TAFA1: variants seen among roughly 807,000 people sequenced by gnomAD.
TAFA1 encodes chemokine-like protein TAFA-1.
TAFA1 carries 4 observed loss-of-function variants against 18.5 expected under a neutral mutation model. That is an observed-to-expected ratio of 0.22 (90% CI 0.11 to 0.49). TAFA1 has a LOEUF of 0.49. TAFA1 is among the 20% of genes least tolerant of loss of function. The pLI, the probability that TAFA1 is intolerant of heterozygous loss-of-function variation, is 0.98. For synonymous variants in TAFA1, 56 were observed against 55.2 expected, an observed-to-expected ratio of 1.01 and a Z score of -0.06; for missense variants, 147 against 169.0, an observed-to-expected ratio of 0.87 and a Z score of 0.72.
chr3:68,135,803 C>T (rs1199890216), intron 2 of TAFA1, among the ~76,000 whole-genome samples: 3 of 152,116 alleles, frequency 2.0e-5, no homozygotes, highest in Non-Finnish European at 4.4e-5. Context: ...ATCAAAATTT[C>T]CCTTTTTCTT....
intron 2 of TAFA1, among the ~76,000 whole-genome samples, chr3:68,324,415 G>A (rs1022812712): frequency 2.6e-5 from 4 of 152,106 alleles, no homozygotes; most frequent in Non-Finnish European, 4.4e-5. Context: ...AAGCCCCGAA[G>A]CATACTAGGA....
chr3:68,434,967 A>G (rs2071244570), intron 3 of TAFA1, among the ~76,000 whole-genome samples: 1 of 152,098 alleles, frequency 6.6e-6, no homozygotes, highest in South Asian at 2.1e-4. Context: ...AGAGTGACCA[A>G]TAGGACATGA....
intron 2 of TAFA1, among the ~76,000 whole-genome samples, chr3:68,076,625 A>C (rs1183118459): frequency 6.6e-6 from 1 of 152,274 alleles, no homozygotes; most frequent in East Asian, 1.9e-4. Context: ...TGTCCCTACA[A>C]AGGACATGAA....
At chr3:68,235,645 T>C (rs901907615) in intron 2 of TAFA1, among the ~76,000 whole-genome samples, 2 of 152,168 alleles carry the variant, frequency 1.3e-5, no homozygotes, top group Admixed American at 6.5e-5. Context: ...GTGCTTATCC[T>C]ACCCAATGCT....
rs1241648184 is a variant in TAFA1 at position 68,045,775 on chromosome 3, C to A, written c.118+39031C>A. Among the ~76,000 whole-genome samples, 17 of 152,100 alleles carry A rather than the reference C, an allele frequency of 1.1e-4. 1 individual carries two copies. Among genetic ancestry groups the A allele is most frequent in the Admixed American group, 1.1e-3 (17 of 15,264 alleles). On this transcript the variant is annotated intron_variant, in intron 2 of 4. Transcript: ENST00000478136. ...TCTGTGACTAGATGATTTCTTTAGT[C>A]CTTTTCCACTCTTTAATCATTCATT...
chr3:68,373,361 A>C (rs1281692945), intron 2 of TAFA1, among the ~76,000 whole-genome samples: 1 of 152,226 alleles, frequency 6.6e-6, no homozygotes, highest in Non-Finnish European at 1.5e-5. Flanking sequence ...GAGTAACTAA[A>C]TTAAAGTTAC....
intron 2 of TAFA1, among the ~76,000 whole-genome samples, chr3:68,239,234 ATATGTAT>A (rs1252388765): frequency 6.6e-6 from 1 of 152,134 alleles, no homozygotes; most frequent in Non-Finnish European, 1.5e-5. Context: ...TAGTATTAAT[ATATGTAT>A]TATGGAAGAA....
chr3:68,196,985 A>C (rs1272399426), intron 2 of TAFA1, among the ~76,000 whole-genome samples: 1 of 151,770 alleles, frequency 6.6e-6, no homozygotes, highest in African/African-American at 2.4e-5. Flanking sequence ...TGTTACCAGG[A>C]TAATGTGTGA....
intron 2 of TAFA1, among the ~76,000 whole-genome samples, chr3:68,382,979 G>A (rs1023503684): frequency 3.3e-5 from 5 of 152,066 alleles, no homozygotes; most frequent in Non-Finnish European, 7.4e-5. Context: ...GAATGTGATT[G>A]TGTTCCTGGT....
intron 2 of TAFA1, among the ~76,000 whole-genome samples, chr3:68,137,249 T>C (rs1487116239): frequency 6.6e-6 from 1 of 152,166 alleles, no homozygotes; most frequent in African/African-American, 2.4e-5. Flanking sequence ...CCTGCTTTTT[T>C]TTTTTCTTTT....
intron 2 of TAFA1, among the ~76,000 whole-genome samples, chr3:68,285,942 G>C (rs573277642): frequency 3.0e-4 from 46 of 152,334 alleles, no homozygotes; most frequent in Middle Eastern, 6.8e-3. Context: ...GCCAGGTGCA[G>C]TGGCTCATGC....
chr3:68,396,151 G>A (rs570912055), intron 2 of TAFA1, among the ~76,000 whole-genome samples: 161 of 152,156 alleles, frequency 1.1e-3, no homozygotes, highest in African/African-American at 3.5e-3. Context: ...TTATTTTAGA[G>A]TAAAAACCCT....
chr3:68,433,578 C>T (rs1369437765), intron 3 of TAFA1, among the ~76,000 whole-genome samples: 1 of 152,120 alleles, frequency 6.6e-6, no homozygotes, highest in Non-Finnish European at 1.5e-5. Context: ...TTCACAGCTG[C>T]ATGCCAGTGC....
At chr3:68,023,534 A>T (rs1031192679) in intron 2 of TAFA1, among the ~76,000 whole-genome samples, 3 of 152,154 alleles carry the variant, frequency 2.0e-5, no homozygotes, top group Admixed American at 6.6e-5. Context: ...CTATTTGTTG[A>T]ACAGCATTCA....
At chr3:68,279,706 G>A (rs1189562549) in intron 2 of TAFA1, among the ~76,000 whole-genome samples, 1 of 152,124 alleles carries the variant, frequency 6.6e-6, no homozygotes, top group African/African-American at 2.4e-5. Flanking sequence ...GAAATGCCAA[G>A]GAGATAGTTT....
At chr3:68,506,827 CTTT>C (rs2072766561) in intron 3 of TAFA1, among the ~76,000 whole-genome samples, 1 of 151,168 alleles carries the variant, frequency 6.6e-6, no homozygotes, top group Non-Finnish European at 1.5e-5. Flanking sequence ...AAAATATACC[CTTT>C]CATTTCATTT....
chr3:68,385,529 G>A (rs2070079979), intron 2 of TAFA1, among the ~76,000 whole-genome samples: 1 of 152,044 alleles, frequency 6.6e-6, no homozygotes. Flanking sequence ...TTTTTAAAAG[G>A]ATACACTATT....
In TAFA1 at chr3:68,518,294, A is replaced by ATT. The variant is rs60145793; in HGVS notation, c.260-20455_260-20454dup. ...AGGCTTAAATTATGGAATGAATACA[A>ATT]TTTTTTTTGGCACAGAGCCTGATCC... is the stretch of plus-strand genomic sequence containing the variant. On this transcript the variant is annotated intron_variant, in intron 3 of 4. Transcript: ENST00000478136. 2.6e-3 allele frequency among the ~76,000 whole-genome samples: 401 copies of ATT among 151,716 alleles called. 2 individuals carry two copies. Among genetic ancestry groups the ATT allele is most frequent in the African/African-American group, 9.0e-3 (371 of 41,354 alleles).
At chr3:68,076,553 C>T (rs1333168467) in intron 2 of TAFA1, among the ~76,000 whole-genome samples, 4 of 147,646 alleles carry the variant, frequency 2.7e-5, no homozygotes, top group Non-Finnish European at 5.9e-5. Flanking sequence ...TGAGAATATG[C>T]GGTGTTTGGT....
Sources: allele counts gnomAD v4.1 joint callset (sites outside exome capture counted in the v4.1 genomes callset), GRCh38; gene constraint gnomAD v4.1.1; transcripts MANE v1.5; gene names NCBI Gene and HGNC (gene_info 2026-07-23, HGNC 2026-07-21).